SDCBP: variants seen among roughly 807,000 people sequenced by gnomAD.
SDCBP encodes the protein syntenin-1.
A neutral mutation model predicts 30.5 loss-of-function variants in SDCBP; 22 were observed. The ratio of observed to expected loss-of-function variants is 0.72; its 90% CI spans 0.52 to 1.03. The LOEUF (loss-of-function observed/expected upper bound fraction) is 1.03. Among genes scored for constraint, SDCBP ranks in the 50% least tolerant of loss-of-function variants. The pLI is 0.00. For synonymous variants in SDCBP, 103 were observed against 118.7 expected (o/e 0.87, Z 0.86); for missense variants, 304 against 369.9 (o/e 0.82, Z 1.46).
intron 6 of SDCBP, chr8:58,578,447 G>A: frequency 3.1e-6 from 1 of 322,574 alleles, no homozygotes; most frequent in Non-Finnish European, 5.6e-6. Context: ...GAAAACGTAT[G>A]TTGGAGAAGT....
rs901249877 is a variant in SDCBP, at chr8:58,555,752, G to GT, written c.-16+2463dup. ...GGACACTTTATTTTTTCATTTTTTAGTTTTTTTTTTTTTTAGAGATGGAAT... is the reference window on the plus strand; with the variant it reads ...GGACACTTTATTTTTTCATTTTTTAGTTTTTTTTTTTTTTTAGAGATGGAAT... On this transcript the variant is annotated intron_variant, in intron 1 of 8. Coordinates refer to ENST00000260130, the MANE Select transcript of SDCBP (RefSeq NM_005625.4). Among the ~76,000 whole-genome samples, 715 of 140,204 alleles carry GT rather than the reference G, an allele frequency of 5.1e-3. 1 individual carries two copies. Among genetic ancestry groups the GT allele is most frequent in the Middle Eastern group, 7.1e-3 (2 of 280 alleles). The allele number at this position is 140,204 out of a possible 152,430, so 92.0% of individuals were successfully genotyped here.
At chr8:58,576,124 T>A in intron 5 of SDCBP, 63 bp downstream of exon 5, 1 of 1,197,310 alleles carries the variant, frequency 8.4e-7, no homozygotes, top group Non-Finnish European at 1.2e-6. Flanking sequence ...TGATTAATGT[T>A]AAAATAATTT....
At chr8:58,581,413 G>GT (rs1736517590) in intron 8 of SDCBP, among the ~76,000 whole-genome samples, 1 of 151,972 alleles carries the variant, frequency 6.6e-6, no homozygotes, top group South Asian at 2.1e-4. Flanking sequence ...TTTTCTTTCT[G>GT]TTTTTTAAAA....
At chr8:58,567,979 C>T (rs539573588) in intron 2 of SDCBP, among the ~76,000 whole-genome samples, 48 of 152,216 alleles carry the variant, frequency 3.2e-4, no homozygotes, top group African/African-American at 9.6e-4. Context: ...AGTGAGTGAG[C>T]GGTGAGTGAA....
intron 1 of SDCBP, among the ~76,000 whole-genome samples, chr8:58,555,480 A>G (rs1439363205): frequency 1.3e-5 from 2 of 152,166 alleles, no homozygotes; most frequent in African/African-American, 4.8e-5. Flanking sequence ...ATATGGACAT[A>G]CTTCTTAATG....
At chr8:58,564,995 A>G (rs751718670) in intron 1 of SDCBP, 24 bp from the exon 2 acceptor site, 10 of 1,422,112 alleles carry the variant, frequency 7.0e-6, no homozygotes, top group Non-Finnish European at 9.9e-6. Context: ...CATTAGAGTA[A>G]TAAAACTTTC....
chr8:58,559,294 T>C (rs1585678442), intron 1 of SDCBP, among the ~76,000 whole-genome samples: 1 of 152,284 alleles, frequency 6.6e-6, no homozygotes, highest in East Asian at 1.9e-4. Flanking sequence ...ATAGAAATAA[T>C]ATTAGATGGC....
chr8:58,573,492 T>C (rs949871168), intron 4 of SDCBP, among the ~76,000 whole-genome samples: 25 of 151,744 alleles, frequency 1.6e-4, no homozygotes, highest in African/African-American at 5.6e-4. Flanking sequence ...AGGAGAGAGA[T>C]TGGAGTTAGC....
At chr8:58,560,144 A>G (rs1027888983) in intron 1 of SDCBP, 2 of 152,420 alleles carry the variant, frequency 1.3e-5, no homozygotes, top group African/African-American at 4.8e-5. Context: ...CCAGCAGGAG[A>G]AAATCCTCAA....
intron 4 of SDCBP, among the ~76,000 whole-genome samples, chr8:58,574,105 A>G (rs1038636455): frequency 2.6e-5 from 4 of 152,178 alleles, no homozygotes; most frequent in African/African-American, 9.7e-5. Context: ...AAATGAAGCC[A>G]TGTACCCTTC....
At chr8:58,577,935 TAG>T (rs1805439244) in intron 5 of SDCBP, 96 bp from the exon 6 acceptor site, 2 of 890,744 alleles carry the variant, frequency 2.2e-6, no homozygotes, top group Admixed American at 2.6e-5. Flanking sequence ...GTCACTGGGG[TAG>T]AGTTTTCAAC....
intron 8 of SDCBP, among the ~76,000 whole-genome samples, chr8:58,581,009 C>T (rs1177483200): frequency 1.3e-5 from 2 of 152,170 alleles, no homozygotes; most frequent in Non-Finnish European, 2.9e-5. Flanking sequence ...TTTCCCTTCT[C>T]TCCAGAATCT....
chr8:58,554,380 C>T (rs960530900), intron 1 of SDCBP, among the ~76,000 whole-genome samples: 5 of 152,086 alleles, frequency 3.3e-5, no homozygotes, highest in African/African-American at 1.2e-4. Flanking sequence ...TGAGGGATAA[C>T]GGTAGAAAAT....
chr8:58,575,867 T>C (rs1363871931), intron 4 of SDCBP, 33 bp from the exon 5 acceptor site: 6 of 1,536,640 alleles, frequency 3.9e-6, no homozygotes, highest in Non-Finnish European at 5.3e-6. Context: ...AGAGTGTTTC[T>C]AGATATTGAC....
chr8:58,559,300 A>T (rs1307806808), intron 1 of SDCBP, among the ~76,000 whole-genome samples: 16 of 152,212 alleles, frequency 1.1e-4, no homozygotes, highest in Admixed American at 1.0e-3. Flanking sequence ...ATAATATTAG[A>T]TGGCCAGGTA....
intron 4 of SDCBP, 145 bp downstream of exon 4, chr8:58,572,459 ATT>A: frequency 1.7e-6 from 1 of 579,526 alleles, no homozygotes; most frequent in South Asian, 2.4e-5. Flanking sequence ...TTTGGATATC[ATT>A]TCTTATATAG....
At position 58,582,126 on chromosome 8, in the gene SDCBP, C is replaced by T. The variant is rs1805721743; in HGVS notation, c.*386C>T. 1 of 170,956 alleles carries T rather than the reference C, an allele frequency of 5.8e-6. No homozygotes were observed. The highest frequency in any genetic ancestry group is 1.3e-5 in the Non-Finnish European group (1 of 79,930). 10.6% of individuals were successfully genotyped at this position (170,956 alleles called of 1,614,324 possible). ...TGTTCATATTACTTTAGTTCTATAGCATACTTGCATCTTTAACATGCTATC... is the reference window on the plus strand; with the variant it reads ...TGTTCATATTACTTTAGTTCTATAGTATACTTGCATCTTTAACATGCTATC... On this transcript the variant is annotated 3_prime_UTR_variant, in exon 9 of 9. Coordinates refer to ENST00000260130, the MANE Select transcript of SDCBP (RefSeq NM_005625.4).
At chr8:58,570,767 C>A in intron 2 of SDCBP, 120 bp from the exon 3 acceptor site, 3 of 664,138 alleles carry the variant, frequency 4.5e-6, no homozygotes, top group Non-Finnish European at 7.7e-6. Flanking sequence ...ATTAAACTTT[C>A]TTACATAAAT....
chr8:58,575,798 G>C, intron 4 of SDCBP, 102 bp from the exon 5 acceptor site: 1 of 944,384 alleles, frequency 1.1e-6, no homozygotes, highest in Non-Finnish European at 1.6e-6. Context: ...TTTGTGGATT[G>C]CTTTTTGGAA....
Sources: gnomAD v4.1 joint callset for allele counts (sites outside exome capture counted in the v4.1 genomes callset) on GRCh38, gnomAD v4.1.1 for gene constraint, MANE v1.5 for transcripts, NCBI Gene and HGNC (gene_info 2026-07-23, HGNC 2026-07-21) for gene names.